Variants in SH3GLB2 observed in about 807,000 individuals in gnomAD.
SH3GLB2 encodes SH3 domain containing GRB2 like, endophilin B2.
A neutral mutation model predicts 48.0 loss-of-function variants in SH3GLB2; 24 were observed. The ratio of observed to expected loss-of-function variants is 0.50; its 90% CI spans 0.36 to 0.70. The LOEUF is 0.70. SH3GLB2 is among the 30% of genes least tolerant of loss of function. SH3GLB2 has a pLI of 0.00. For synonymous variants in SH3GLB2, 227 were observed against 207.6 expected (o/e 1.09, Z -0.80); for missense variants, 425 against 516.0 (o/e 0.82, Z 1.71).
chr9:129,008,747 G>C lies in SH3GLB2; in HGVS notation c.1125C>G (p.Leu375=). ...YSLPGMDPDW[L]IGERGNKKGK... ...CCTTCTTGTTGCCTCTCTCGCCAAT[G>C]AGCCAGTCAGGGTCCATGCCAGGCA... is the stretch of plus-strand genomic sequence containing the variant. Residue 375 remains leucine (L), a synonymous_variant, in exon 11 of 11, where the codon CTC becomes CTG. Coordinates refer to ENST00000372564, the MANE Select transcript of SH3GLB2 (RefSeq NM_020145.4). 1 of 1,614,142 alleles carries C rather than the reference G, an allele frequency of 6.2e-7. No homozygotes were observed.
chr9:129,012,477 G>C, intron 5 of SH3GLB2, 179 bp from the exon 6 acceptor site: 1 of 411,880 alleles, frequency 2.4e-6, no homozygotes, highest in Non-Finnish European at 4.2e-6. Context: ...GGAGATGAGG[G>C]GCCTAGGGAC....
intron 1 of SH3GLB2, among the ~76,000 whole-genome samples, chr9:129,027,557 A>G (rs148450549): frequency 5.3e-5 from 8 of 152,304 alleles, no homozygotes; most frequent in Admixed American, 1.3e-4. Context: ...GACCAAGGAA[A>G]CAGACCTCCC....
At chr9:129,010,318 CAG>C (rs1345417578) in intron 7 of SH3GLB2, 109 bp from the exon 8 acceptor site, 4 of 911,390 alleles carry the variant, frequency 4.4e-6, no homozygotes, top group South Asian at 1.5e-5. Flanking sequence ...CCTGGGAACA[CAG>C]AGAGCCTTCT....
intron 10 of SH3GLB2, 48 bp from the exon 11 acceptor site, chr9:129,008,839 A>C: frequency 3.2e-6 from 5 of 1,558,618 alleles, no homozygotes; most frequent in Non-Finnish European, 4.4e-6. Context: ...CAAGGGTGGA[A>C]CTGGCCCCAG....
chr9:129,028,111 A>G lies in SH3GLB2; in HGVS notation c.44T>C (p.Phe15Ser). ...MKKLASDAGI[F>S]FTRAVQFTEE... Reference sequence around the variant, plus strand: ...CCTCACCTGCACCGCCCGGGTGAAGAAGATGCCCGCGTCCGACGCCAGCTT... The same window carrying G: ...CCTCACCTGCACCGCCCGGGTGAAGGAGATGCCCGCGTCCGACGCCAGCTT... Residue 15 changes from phenylalanine (F) to serine (S), a missense_variant, in exon 1 of 11, where the codon TTC becomes TCC. Phe to Ser is a radical substitution (Grantham distance 155). Coordinates refer to ENST00000372564, the MANE Select transcript of SH3GLB2 (RefSeq NM_020145.4). The G allele has an allele frequency of 6.7e-7, 1 of 1,499,830 alleles. No individual in the cohort carries two copies. Among genetic ancestry groups the G allele is most frequent in the South Asian group, 1.3e-5 (1 of 79,890 alleles). The allele number at this position is 1,499,830 out of a possible 1,614,324, so 92.9% of individuals were successfully genotyped here.
chr9:129,015,023 G>T, intron 3 of SH3GLB2, 119 bp from the exon 4 acceptor site: 1 of 1,350,234 alleles, frequency 7.4e-7, no homozygotes, highest in Non-Finnish European at 1.0e-6. Context: ...AGTGCAGAAT[G>T]CTTTGCCTGG....
At chr9:129,020,614 T>C (rs188974680) in intron 3 of SH3GLB2, among the ~76,000 whole-genome samples, 75 of 150,718 alleles carry the variant, frequency 5.0e-4, no homozygotes, top group Non-Finnish European at 8.1e-4. Context: ...ACGCCTGTAA[T>C]CCCAGCAGTT....
intron 5 of SH3GLB2, chr9:129,013,813 A>G: frequency 3.5e-6 from 1 of 282,340 alleles, no homozygotes; most frequent in Non-Finnish European, 7.2e-6. Context: ...CAGCTCCTCC[A>G]ATCCTGGCCT....
rs1244599643 is a variant in SH3GLB2, at chr9:129,009,357, G to A, written c.840-11C>T. 1 of 1,550,380 alleles carries A rather than the reference G, an allele frequency of 6.5e-7. No individual in the cohort carries two copies. The highest frequency in any genetic ancestry group is 1.4e-5 in the African/African-American group (1 of 73,048). ...AAGGTGCCGGGAAATCTGGAGAGGA[G>A]GGATACATCTTAGCAGGTGGGAGTC... On this transcript the variant is annotated splice_polypyrimidine_tract_variant and intron_variant, in intron 9 of 10. Coordinates refer to ENST00000372564, the MANE Select transcript of SH3GLB2 (RefSeq NM_020145.4).
Position 129,014,667 on chromosome 9 carries a change from CAGG to C in SH3GLB2, c.468+101_468+103del. 2.6e-6 allele frequency: 4 copies of C among 1,537,860 alleles called. No homozygotes were observed. The highest frequency in any genetic ancestry group is 1.4e-5 in the African/African-American group (1 of 72,502). On this transcript the variant is annotated intron_variant, in intron 4 of 10. Coordinates refer to ENST00000372564, the MANE Select transcript of SH3GLB2 (RefSeq NM_020145.4). This position sits in a 1 kb window ranked among gnomAD's most constrained non-coding sequence, Gnocchi z 4.1. Reference sequence around the variant, plus strand: ...AAAGGAGCCCTCTCTGGGGAGGCCTCAGGAGTTTTGTAGCCCCAGCACTGGAAG... The same window carrying C: ...AAAGGAGCCCTCTCTGGGGAGGCCTCAGTTTTGTAGCCCCAGCACTGGAAG...
At chr9:129,012,377 A>T in intron 5 of SH3GLB2, 79 bp from the exon 6 acceptor site, 1 of 911,364 alleles carries the variant, frequency 1.1e-6, no homozygotes, top group Non-Finnish European at 1.5e-6. Flanking sequence ...GCTACCCCAG[A>T]GTCTTGCACA....
chr9:129,011,530 T>C lies in SH3GLB2; in HGVS notation c.624+706A>G, dbSNP rs984143272. On this transcript the variant is annotated intron_variant, in intron 6 of 10. Transcript: ENST00000372564. The surrounding 1 kb of genome is among the most constrained non-coding windows in gnomAD (Gnocchi z 4.5). ...CTCCAGGGGCGGGAAGGAGAGAAAG[T>C]GGGCAGACAAGGTGTAGCAGTGGTG... is the stretch of plus-strand genomic sequence containing the variant. 1 of 152,152 alleles carries C rather than the reference T, an allele frequency of 6.6e-6. No individual in the cohort carries two copies. Among genetic ancestry groups the C allele is most frequent in the Non-Finnish European group, 1.5e-5 (1 of 68,096 alleles). 9.4% of individuals were successfully genotyped at this position (152,152 alleles called of 1,614,324 possible). A position where few individuals can be genotyped will look rare whatever the true frequency, so the allele number is the denominator to read the frequency against.
chr9:129,008,819 A>G, intron 10 of SH3GLB2, 28 bp from the exon 11 acceptor site: 1 of 1,603,088 alleles, frequency 6.2e-7, no homozygotes, highest in Non-Finnish European at 8.5e-7. Flanking sequence ...GAGGACGGTC[A>G]TGGCCTGGCC....
At chr9:129,020,309 C>T (rs1843707777) in intron 3 of SH3GLB2, among the ~76,000 whole-genome samples, 1 of 151,016 alleles carries the variant, frequency 6.6e-6, no homozygotes, top group African/African-American at 2.4e-5. Context: ...TGGCTCACAC[C>T]TGTAATCCCA....
rs892996382 is a variant in SH3GLB2, at chr9:129,014,970, G to A, written c.335-66C>T. 6 of 1,563,756 alleles carry A rather than the reference G, an allele frequency of 3.8e-6. No homozygotes were observed. In the South Asian group the frequency reaches 7.2e-5, roughly 19 times the overall value. ...TCAGGCTACTCTGATCTACAGGAGA[G>A]GGCTCAGGAAGAGCTTGCTGAAGAG... On this transcript the variant is annotated intron_variant, in intron 3 of 10. Transcript: ENST00000372564. This position sits in a 1 kb window ranked among gnomAD's most constrained non-coding sequence, Gnocchi z 4.1.
At chr9:129,012,725 T>G (rs1426423107) in intron 5 of SH3GLB2, 1 of 534,304 alleles carries the variant, frequency 1.9e-6, no homozygotes, top group Non-Finnish European at 3.3e-6. Context: ...CCACATCTCT[T>G]GCTCCTGCAT....
chr9:129,009,945 C>T, intron 8 of SH3GLB2, 74 bp from the exon 9 acceptor site: 1 of 1,465,186 alleles, frequency 6.8e-7, no homozygotes, highest in Non-Finnish European at 9.4e-7. Flanking sequence ...CCATCCCCGT[C>T]CTCTACCAGA....
rs370149986 is a variant in SH3GLB2, at chr9:129,010,147, G to C, written c.711C>G (p.Leu237=). The C allele has an allele frequency of 2.5e-6, 4 of 1,614,088 alleles. No individual in the cohort carries two copies. The highest frequency in any genetic ancestry group is 3.4e-6 in the Non-Finnish European group (4 of 1,179,992). Residue 237 remains leucine, a synonymous_variant, in exon 8 of 11, where the codon CTC becomes CTG. Transcript: ENST00000372564. ...EFDRQAEVTR[L]LLEGISSTHV... Reference sequence around the variant, plus strand: ...GAGTGCTACTGATTCCCTCCAGCAAGAGACGGGTCACTTCTGCTTGCCGGT... The same window carrying C: ...GAGTGCTACTGATTCCCTCCAGCAACAGACGGGTCACTTCTGCTTGCCGGT...
rs769314792 is a variant in SH3GLB2 at position 129,014,935 on chromosome 9, A to G, written c.335-31T>C. ...AAAACAGAGTTGAAGCGTGAGGAAG[A>G]AGGTCAGGCTCAGGCTACTCTGATC... On this transcript the variant is annotated intron_variant, in intron 3 of 10. Coordinates refer to ENST00000372564, the MANE Select transcript of SH3GLB2 (RefSeq NM_020145.4). The surrounding 1 kb of genome is among the most constrained non-coding windows in gnomAD (Gnocchi z 4.1). 4 of 1,607,326 alleles carry G rather than the reference A, an allele frequency of 2.5e-6. No individual in the cohort carries two copies. Among genetic ancestry groups the G allele is most frequent in the South Asian group, 2.2e-5 (2 of 89,964 alleles).
Sources: allele counts gnomAD v4.1 joint callset (sites outside exome capture counted in the v4.1 genomes callset), GRCh38; gene constraint gnomAD v4.1.1; non-coding constraint Gnocchi (gnomAD v3.1); transcripts MANE v1.5; gene names NCBI Gene and HGNC (gene_info 2026-07-23, HGNC 2026-07-21).